CNTNAP2: variants seen among roughly 807,000 people sequenced by gnomAD.
The protein encoded by CNTNAP2 is contactin-associated protein-like 2.
In CNTNAP2, 98 loss-of-function variants were observed where a neutral mutation model predicts 155.2. That is an observed-to-expected ratio of 0.63 (90% CI 0.54 to 0.75). The LOEUF (loss-of-function observed/expected upper bound fraction) is 0.75. Among genes scored for constraint, CNTNAP2 ranks in the 30% least tolerant of loss-of-function variants. The pLI is 0.00. For missense variants in CNTNAP2, 1,727 were observed against 1,688.1 expected (o/e 1.02, Z -0.40); for synonymous variants, 651 against 631.2 (o/e 1.03, Z -0.47).
rs763809167 is a variant in CNTNAP2 at position 148,415,470 on chromosome 7, C to G, written c.3850C>G (p.Arg1284Gly). 6.2e-7 allele frequency: 1 copy of G among 1,614,172 alleles called. No homozygotes were observed. The highest frequency in any genetic ancestry group is 8.5e-7 in the Non-Finnish European group (1 of 1,180,026). ...CCTGTGCACCCTGGTCTTCCTGATCCGGTACATGTTCCGCCACAAGGGCAC... is the reference window on the plus strand; with the variant it reads ...CCTGTGCACCCTGGTCTTCCTGATCGGGTACATGTTCCGCCACAAGGGCAC... ...TILCTLVFLI[R>G]YMFRHKGTYH... Residue 1284 changes from arginine to glycine, a missense_variant, in exon 24 of 24, where the codon CGG becomes GGG. Transcript: ENST00000361727.
At chr7:146,741,794 C>T (rs1801721314) in intron 1 of CNTNAP2, among the ~76,000 whole-genome samples, 1 of 151,856 alleles carries the variant, frequency 6.6e-6, no homozygotes, top group East Asian at 1.9e-4. Flanking sequence ...TGAAAGTGAT[C>T]CAGATGGTAG....
At chr7:146,311,669 A>C (rs915208075) in intron 1 of CNTNAP2, 2 of 149,230 alleles carry the variant, frequency 1.3e-5, no homozygotes, top group African/African-American at 5.0e-5. Context: ...AAAGAAAGAA[A>C]GGAAAGAGAA....
intron 9 of CNTNAP2, among the ~76,000 whole-genome samples, chr7:147,379,978 A>G (rs1796506773): frequency 6.6e-6 from 1 of 152,064 alleles, no homozygotes; most frequent in African/African-American, 2.4e-5. Context: ...ATATAACTTA[A>G]AAGATGTATG....
intron 22 of CNTNAP2, among the ~76,000 whole-genome samples, chr7:148,405,750 G>A (rs1247990086): frequency 6.6e-6 from 1 of 150,578 alleles, no homozygotes; most frequent in African/African-American, 2.4e-5. Context: ...CGAGTAGCTG[G>A]GACTACAGGC....
chr7:146,402,095 G>A (rs1795722821), intron 1 of CNTNAP2, among the ~76,000 whole-genome samples: 1 of 152,122 alleles, frequency 6.6e-6, no homozygotes, highest in Admixed American at 6.5e-5. Context: ...TCTTCCATAA[G>A]TATGTTCATA....
intron 8 of CNTNAP2, among the ~76,000 whole-genome samples, chr7:147,286,379 GAACAA>G (rs1307622152): frequency 5.3e-5 from 8 of 151,830 alleles, no homozygotes; most frequent in African/African-American, 1.2e-4. Context: ...GCTTAGAACA[GAACAA>G]AACAGTGACT....
intron 3 of CNTNAP2, among the ~76,000 whole-genome samples, chr7:146,898,694 G>A (rs1795931213): frequency 6.6e-6 from 1 of 151,960 alleles, no homozygotes; most frequent in Admixed American, 6.6e-5. Flanking sequence ...GATGGCCTCA[G>A]TGACAGAGTC....
chr7:146,794,533 GC>G (rs1563233434), intron 2 of CNTNAP2, among the ~76,000 whole-genome samples: 1 of 152,130 alleles, frequency 6.6e-6, no homozygotes, highest in Non-Finnish European at 1.5e-5. Flanking sequence ...GTGAATAAAA[GC>G]CCCAAAGTGG....
chr7:146,247,992 TGG>T (rs1162990304), intron 1 of CNTNAP2, among the ~76,000 whole-genome samples: 1 of 144,994 alleles, frequency 6.9e-6, no homozygotes, highest in East Asian at 2.1e-4. Context: ...TATAAGAGGT[TGG>T]GGCACGGAAA....
intron 13 of CNTNAP2, among the ~76,000 whole-genome samples, chr7:147,802,611 C>A (rs1798021203): frequency 6.6e-6 from 1 of 152,082 alleles, no homozygotes; most frequent in South Asian, 2.1e-4. Context: ...CCGTCTCCAC[C>A]AAAAAAGTAC....
chr7:146,513,630 A>T (rs1257325928), intron 1 of CNTNAP2, among the ~76,000 whole-genome samples: 1 of 151,924 alleles, frequency 6.6e-6, no homozygotes, highest in Admixed American at 6.6e-5. Flanking sequence ...CTCAGTTTGG[A>T]TCTTTTTATA....
chr7:148,300,157 G>GAGAT (rs1797356896), intron 21 of CNTNAP2, among the ~76,000 whole-genome samples: 1 of 152,192 alleles, frequency 6.6e-6, no homozygotes, highest in African/African-American at 2.4e-5. Context: ...CCCAGCAGGA[G>GAGAT]AGATGCTAAA....
In CNTNAP2 at chr7:146,837,436, T is replaced by G. The variant is rs1803639676; in HGVS notation, c.209-2275T>G. On this transcript the variant is annotated intron_variant, in intron 2 of 23. Coordinates refer to ENST00000361727, the MANE Select transcript of CNTNAP2 (RefSeq NM_014141.6). ...GTTTGTTGCTTTTCTCCTTCAACAT[T>G]TTGCATTTTTAAAAAATGTTTATAT... Among the ~76,000 whole-genome samples, 4 of 152,130 alleles carry G rather than the reference T, an allele frequency of 2.6e-5. No homozygotes were observed. In the South Asian group the frequency reaches 6.2e-4, roughly 24 times the overall value.
rs548164742 is a variant in CNTNAP2, at chr7:147,110,491, T to G, written c.754+2141T>G. Among the ~76,000 whole-genome samples, 9 of 152,230 alleles carry G rather than the reference T, an allele frequency of 5.9e-5. 1 individual carries two copies. In the South Asian group the frequency reaches 1.9e-3, roughly 32 times the overall value. ...CATCACCTAAGTATTAAGGCTGGCA[T>G]CCATTAGCTATTATTCTTGATGCTT... On this transcript the variant is annotated intron_variant, in intron 5 of 23. Coordinates refer to ENST00000361727, the MANE Select transcript of CNTNAP2 (RefSeq NM_014141.6).
chr7:146,998,496 T>C (rs1274230347), intron 3 of CNTNAP2, among the ~76,000 whole-genome samples: 2 of 152,008 alleles, frequency 1.3e-5, no homozygotes, highest in Non-Finnish European at 2.9e-5. Context: ...AGGAGGTGTA[T>C]TCTGCAGCTG....
intron 1 of CNTNAP2, among the ~76,000 whole-genome samples, chr7:146,502,941 T>C (rs964350504): frequency 2.6e-5 from 4 of 152,162 alleles, no homozygotes; most frequent in African/African-American, 4.8e-5. Context: ...TTTGCAATTC[T>C]TTGATGATAA....
At chr7:146,823,668 A>G (rs369443020) in intron 2 of CNTNAP2, among the ~76,000 whole-genome samples, 17 of 151,950 alleles carry the variant, frequency 1.1e-4, no homozygotes, top group Admixed American at 7.9e-4. Flanking sequence ...AAATATGAGT[A>G]TACTCATTCT....
intron 8 of CNTNAP2, among the ~76,000 whole-genome samples, chr7:147,200,203 T>C (rs1584788803): frequency 6.6e-6 from 1 of 152,190 alleles, no homozygotes; most frequent in East Asian, 1.9e-4. Flanking sequence ...AGTAAATGAC[T>C]TCCATGAAAG....
intron 1 of CNTNAP2, among the ~76,000 whole-genome samples, chr7:146,302,533 A>G (rs1800629045): frequency 6.6e-6 from 1 of 152,166 alleles, no homozygotes; most frequent in South Asian, 2.1e-4. Flanking sequence ...ATTCTTCAAG[A>G]TTTATGGAAG....
Sources: gnomAD v4.1 joint callset for allele counts (sites outside exome capture counted in the v4.1 genomes callset) on GRCh38, gnomAD v4.1.1 for gene constraint, MANE v1.5 for transcripts, NCBI Gene and HGNC (gene_info 2026-07-23, HGNC 2026-07-21) for gene names.